The following MECOM variants were observed in gnomAD, a reference collection of about 807,000 sequenced individuals.
MECOM encodes the protein histone-lysine N-methyltransferase MECOM.
MECOM carries 13 observed loss-of-function variants against 116.3 expected under a neutral mutation model. That is an observed-to-expected ratio of 0.11 (90% CI 0.07 to 0.18). The LOEUF is 0.18. MECOM is among the 10% of genes least tolerant of loss of function. MECOM has a pLI of 1.00. For synonymous variants in MECOM, 528 were observed against 535.2 expected (o/e 0.99, Z 0.19); for missense variants, 1,299 against 1,509.0 (o/e 0.86, Z 2.31).
intron 3 of MECOM, among the ~76,000 whole-genome samples, chr3:169,137,213 T>C (rs1319240081): frequency 6.6e-6 from 1 of 152,036 alleles, no homozygotes; most frequent in Admixed American, 6.6e-5. Flanking sequence ...AGGTAGCCGT[T>C]TGCATGTTTG....
At chr3:169,480,959 C>T (rs1751194748) in intron 1 of MECOM, among the ~76,000 whole-genome samples, 1 of 151,982 alleles carries the variant, frequency 6.6e-6, no homozygotes, top group Admixed American at 6.6e-5. Flanking sequence ...TCCTCATTAA[C>T]AATACATGGC....
intron 1 of MECOM, among the ~76,000 whole-genome samples, chr3:169,533,385 T>C (rs1044910861): frequency 2.0e-5 from 3 of 152,044 alleles, no homozygotes; most frequent in African/African-American, 7.2e-5. Context: ...TGACGGAAAA[T>C]GTATGGTCTT....
At chr3:169,448,537 A>G (rs1038843561) in intron 1 of MECOM, among the ~76,000 whole-genome samples, 5 of 152,206 alleles carry the variant, frequency 3.3e-5, no homozygotes, top group African/African-American at 4.8e-5. Context: ...TAAATTTGGG[A>G]TATTATGGCA....
At chr3:169,123,665 G>A (rs912119541) in intron 5 of MECOM, among the ~76,000 whole-genome samples, 7 of 151,960 alleles carry the variant, frequency 4.6e-5, no homozygotes, top group South Asian at 2.1e-4. Context: ...CCAGAGCTCC[G>A]TGGTAAAATA....
intron 1 of MECOM, among the ~76,000 whole-genome samples, chr3:169,640,901 G>A (rs1428761216): frequency 6.6e-6 from 1 of 152,182 alleles, no homozygotes. Context: ...TCCAATCAGT[G>A]CATGCCTTTG....
chr3:169,126,479 G>C (rs572614935), intron 5 of MECOM, among the ~76,000 whole-genome samples: 2 of 152,036 alleles, frequency 1.3e-5, no homozygotes, highest in South Asian at 4.2e-4. Context: ...ATATTAAAGG[G>C]ACATGCTGTG....
chr3:169,550,203 G>A (rs75718215), intron 1 of MECOM, among the ~76,000 whole-genome samples: 23,706 of 152,054 alleles, frequency 0.16, 2,233 homozygotes, highest in East Asian at 0.35. Flanking sequence ...AGGAAAAGTT[G>A]AACAAAACGA....
chr3:169,649,559 T>C (rs183727219), intron 1 of MECOM, among the ~76,000 whole-genome samples: 38 of 152,310 alleles, frequency 2.5e-4, no homozygotes, highest in African/African-American at 8.9e-4. Flanking sequence ...TGTATGTCTG[T>C]CAAATGTCGG....
intron 2 of MECOM, among the ~76,000 whole-genome samples, chr3:169,346,750 T>C (rs1431954261): frequency 1.3e-5 from 2 of 151,994 alleles, no homozygotes; most frequent in African/African-American, 2.4e-5. Context: ...TTACACACCA[T>C]GCTGGTGTGT....
chr3:169,170,036 G>T (rs1366209127), intron 2 of MECOM, among the ~76,000 whole-genome samples: 2 of 152,012 alleles, frequency 1.3e-5, no homozygotes, highest in Admixed American at 6.6e-5. Context: ...ACTCTCTTTT[G>T]ATCAAACCAC....
intron 2 of MECOM, among the ~76,000 whole-genome samples, chr3:169,154,740 T>C (rs187139956): frequency 1.3e-4 from 20 of 152,324 alleles, no homozygotes; most frequent in Admixed American, 1.0e-3. Flanking sequence ...ATATAGGATA[T>C]AGTCAATAGA....
intron 10 of MECOM, among the ~76,000 whole-genome samples, chr3:169,106,102 T>A (rs1210783157): frequency 6.6e-6 from 1 of 152,198 alleles, no homozygotes; most frequent in Non-Finnish European, 1.5e-5. Context: ...GACTTTATCA[T>A]AAAATAACTA....
At chr3:169,451,907 G>A (rs995339228) in intron 1 of MECOM, among the ~76,000 whole-genome samples, 1 of 151,800 alleles carries the variant, frequency 6.6e-6, no homozygotes, top group African/African-American at 2.4e-5. Context: ...AAGCCCCACT[G>A]CTAACTGATA....
chr3:169,192,458 C>T (rs1312428118), intron 2 of MECOM, among the ~76,000 whole-genome samples: 1 of 152,066 alleles, frequency 6.6e-6, no homozygotes, highest in South Asian at 2.1e-4. Context: ...ATTTTATCTA[C>T]CATGTGGACA....
Position 169,305,237 on chromosome 3 carries a change from GAA to G in MECOM, c.375+75948_375+75949del, listed in dbSNP as rs74899419. 8.2e-3 allele frequency among the ~76,000 whole-genome samples: 1,242 copies of G among 152,278 alleles called. 42 individuals carry two copies. The East Asian group carries it at 0.11, about 13-fold the overall frequency. The stretch of plus-strand genomic sequence containing the variant: ...AATTCATAATATAATCATATTCAGT[GAA>G]GTTAATTAATTCCAGATTTTATTAT... On this transcript the variant is annotated intron_variant, in intron 2 of 16. Transcript: ENST00000651503.
intron 2 of MECOM, among the ~76,000 whole-genome samples, chr3:169,161,886 G>T (rs1742899560): frequency 6.6e-6 from 1 of 152,180 alleles, no homozygotes; most frequent in Non-Finnish European, 1.5e-5. Flanking sequence ...CTATGTGAAA[G>T]AGTGGCCTTG....
intron 2 of MECOM, among the ~76,000 whole-genome samples, chr3:169,228,509 G>A (rs534465022): frequency 6.6e-6 from 1 of 152,228 alleles, no homozygotes; most frequent in Admixed American, 6.5e-5. Flanking sequence ...ATTTTCGTGA[G>A]ACTACAGTAG....
At chr3:169,564,343 C>T (rs1038874170) in intron 1 of MECOM, among the ~76,000 whole-genome samples, 1 of 152,028 alleles carries the variant, frequency 6.6e-6, no homozygotes, top group African/African-American at 2.4e-5. Flanking sequence ...TCTATGCCTG[C>T]TTCAAATTAA....
chr3:169,312,025 G>C (rs1439882693), intron 2 of MECOM, among the ~76,000 whole-genome samples: 2 of 152,172 alleles, frequency 1.3e-5, no homozygotes, highest in Admixed American at 6.5e-5. Context: ...AGAGGAGCTG[G>C]GCCCAGACCA....
Sources: allele counts gnomAD v4.1 joint callset (sites outside exome capture counted in the v4.1 genomes callset), GRCh38; gene constraint gnomAD v4.1.1; transcripts MANE v1.5; gene names NCBI Gene and HGNC (gene_info 2026-07-23, HGNC 2026-07-21).